KCNG2: variants seen among roughly 807,000 people sequenced by gnomAD.
KCNG2 encodes the protein potassium voltage-gated channel modifier subfamily G member 2.
Under a neutral mutation model 12.3 loss-of-function variants are expected in KCNG2, and 7 were observed. That is an observed-to-expected ratio of 0.57 (90% CI 0.32 to 1.07). The LOEUF is 1.07. KCNG2 is among the 50% of genes least tolerant of loss of function. KCNG2 has a pLI of 0.04. For missense variants in KCNG2, 703 were observed against 726.0 expected (o/e 0.97, Z 0.36); for synonymous variants, 414 against 351.4 (o/e 1.18, Z -1.99).
At chr18:79,893,780 C>T (rs561912336) in intron 3 of KCNG2, among the ~76,000 whole-genome samples, 5 of 151,808 alleles carry the variant, frequency 3.3e-5, no homozygotes, top group South Asian at 2.1e-4. Flanking sequence ...TTGTTCCCTC[C>T]GTTCATAACG....
chr18:79,816,817 G>A (rs2087532092), intron 1 of KCNG2, among the ~76,000 whole-genome samples: 1 of 152,186 alleles, frequency 6.6e-6, no homozygotes, highest in African/African-American at 2.4e-5. Flanking sequence ...AGAAACCGGG[G>A]ACCAGACACA....
intron 1 of KCNG2, among the ~76,000 whole-genome samples, chr18:79,807,742 T>C (rs537064097): frequency 5.9e-5 from 9 of 151,360 alleles, no homozygotes; most frequent in Non-Finnish European, 1.2e-4. Flanking sequence ...GGGCACTCCA[T>C]GTTATATGCC....
At position 79,850,030 on chromosome 18, in the gene KCNG2, C is replaced by T. The variant is rs576809673; in HGVS notation, c.-114-6349C>T. Among the ~76,000 whole-genome samples, 276 of 152,294 alleles carry T rather than the reference C, an allele frequency of 1.8e-3. 1 individual carries two copies. Among genetic ancestry groups the T allele is most frequent in the African/African-American group, 6.3e-3 (262 of 41,568 alleles). On this transcript the variant is annotated intron_variant, in intron 1 of 3. Coordinates refer to ENST00000316249, the MANE Select transcript of KCNG2 (RefSeq NM_012283.2). Reference sequence around the variant, plus strand: ...CTGACAGGGCCGTGTGAAAACCCGCCGGGGTCGCTGGTCCTGGCTCTCCTG... The same window carrying T: ...CTGACAGGGCCGTGTGAAAACCCGCTGGGGTCGCTGGTCCTGGCTCTCCTG...
chr18:79,883,058 C>G (rs1211807876), intron 3 of KCNG2, among the ~76,000 whole-genome samples: 1 of 152,272 alleles, frequency 6.6e-6, no homozygotes, highest in Admixed American at 6.5e-5. Context: ...CCGACACGGA[C>G]CGCGACGGCC....
intron 3 of KCNG2, among the ~76,000 whole-genome samples, chr18:79,890,834 C>A (rs763990537): frequency 1.3e-5 from 2 of 152,164 alleles, no homozygotes; most frequent in Non-Finnish European, 2.9e-5. Flanking sequence ...TACCTGTTAC[C>A]TACTGTGACG....
At chr18:79,830,693 A>C (rs36021297) in intron 1 of KCNG2, among the ~76,000 whole-genome samples, 1 of 123,250 alleles carries the variant, frequency 8.1e-6, no homozygotes, top group Non-Finnish European at 1.8e-5. Flanking sequence ...GGTTCCCTGC[A>C]GACAGAGCCT....
chr18:79,866,241 G>C (rs1199713075), intron 3 of KCNG2, among the ~76,000 whole-genome samples: 1 of 149,876 alleles, frequency 6.7e-6, no homozygotes, highest in Non-Finnish European at 1.5e-5. Context: ...GATGCTGAGA[G>C]GTCTGTGTGC....
At chr18:79,882,745 C>G (rs959864419) in intron 3 of KCNG2, among the ~76,000 whole-genome samples, 9 of 144,196 alleles carry the variant, frequency 6.2e-5, no homozygotes, top group Admixed American at 7.1e-5. Context: ...CATGGAGTGG[C>G]GAGGCTGCCG....
At chr18:79,869,067 T>C (rs1426076811) in intron 3 of KCNG2, among the ~76,000 whole-genome samples, 1 of 152,034 alleles carries the variant, frequency 6.6e-6, no homozygotes, top group Non-Finnish European at 1.5e-5. Flanking sequence ...GGGGTGGGGA[T>C]GCAGGAGCCG....
chr18:79,851,776 C>T (rs552315849), intron 1 of KCNG2, among the ~76,000 whole-genome samples: 2 of 146,700 alleles, frequency 1.4e-5, no homozygotes, highest in East Asian at 2.0e-4. Flanking sequence ...ACTGTGAATG[C>T]GTGTGTGAAT....
At chr18:79,872,617 C>T (rs1005625189) in intron 3 of KCNG2, among the ~76,000 whole-genome samples, 10 of 152,150 alleles carry the variant, frequency 6.6e-5, no homozygotes, top group African/African-American at 1.9e-4. Flanking sequence ...CCCAGGTCTC[C>T]GGTCTCTCTT....
intron 3 of KCNG2, among the ~76,000 whole-genome samples, chr18:79,898,413 C>T (rs1337143333): frequency 3.3e-5 from 5 of 152,228 alleles, no homozygotes; most frequent in Admixed American, 3.3e-4. Flanking sequence ...CAAGGCCAGC[C>T]TCCCACCCAC....
At chr18:79,828,341 AGTGTGTGCATGAGTCT>A (rs1978287742) in intron 1 of KCNG2, among the ~76,000 whole-genome samples, 1 of 152,138 alleles carries the variant, frequency 6.6e-6, no homozygotes, top group African/African-American at 2.4e-5. Flanking sequence ...TGCCTGTGTC[AGTGTGTGCATGAGTCT>A]GTGTGTGCAG....
At chr18:79,818,639 C>A (rs116711273) in intron 1 of KCNG2, among the ~76,000 whole-genome samples, 2,911 of 152,308 alleles carry the variant, frequency 0.019, 104 homozygotes, top group African/African-American at 0.067. Flanking sequence ...ATCTCCGATG[C>A]GGAAACTGCT....
intron 1 of KCNG2, among the ~76,000 whole-genome samples, chr18:79,834,509 A>G (rs1978313109): frequency 6.6e-6 from 1 of 152,178 alleles, no homozygotes; most frequent in African/African-American, 2.4e-5. Context: ...AGGAATGAGA[A>G]AAAGACAGTT....
intron 1 of KCNG2, among the ~76,000 whole-genome samples, chr18:79,853,327 G>A (rs1023922249): frequency 6.6e-6 from 1 of 152,198 alleles, no homozygotes; most frequent in South Asian, 2.1e-4. Flanking sequence ...TGAGTCTGAC[G>A]AGAGGTCAGG....
intron 1 of KCNG2, among the ~76,000 whole-genome samples, chr18:79,825,042 G>C (rs2087602181): frequency 6.6e-6 from 1 of 152,038 alleles, no homozygotes; most frequent in South Asian, 2.1e-4. Context: ...AGACTATCTA[G>C]GCTTTATAAT....
chr18:79,857,944 C>G (rs1258864519), intron 2 of KCNG2, among the ~76,000 whole-genome samples: 1 of 152,160 alleles, frequency 6.6e-6, no homozygotes, highest in Non-Finnish European at 1.5e-5. Flanking sequence ...TTCCCATCCT[C>G]TGGAACCCCC....
intron 1 of KCNG2, among the ~76,000 whole-genome samples, chr18:79,844,049 C>A (rs1225189081): frequency 6.6e-6 from 1 of 152,130 alleles, no homozygotes; most frequent in Non-Finnish European, 1.5e-5. Flanking sequence ...ATATTCCATG[C>A]AAATGGTAAC....
Sources: gnomAD v4.1 joint callset for allele counts (sites outside exome capture counted in the v4.1 genomes callset) on GRCh38, gnomAD v4.1.1 for gene constraint, MANE v1.5 for transcripts, NCBI Gene and HGNC (gene_info 2026-07-23, HGNC 2026-07-21) for gene names.